Variants in RGS12 observed in about 807,000 individuals in gnomAD.
The protein encoded by RGS12 is regulator of G-protein signaling 12.
A neutral mutation model predicts 120.1 loss-of-function variants in RGS12; 66 were observed. The ratio of observed to expected loss-of-function variants is 0.55; its 90% confidence interval spans 0.45 to 0.67. The LOEUF (loss-of-function observed/expected upper bound fraction) is 0.67. Among genes scored for constraint, RGS12 ranks in the 30% least tolerant of loss-of-function variants. The pLI is 0.00. For synonymous variants in RGS12, 827 were observed against 804.7 expected, an observed-to-expected ratio of 1.03 and a Z score of -0.47; for missense variants, 1,859 against 1,957.7, an observed-to-expected ratio of 0.95 and a Z score of 0.95.
At chr4:3,425,590 G>A in intron 14 of RGS12, 30 bp downstream of exon 14, 1 of 1,569,272 alleles carries the variant, frequency 6.4e-7, no homozygotes, top group African/African-American at 1.4e-5. Flanking sequence ...CGGATGGGGA[G>A]AGGGTGAGTG....
chr4:3,332,508 C>T (rs1711973886), intron 2 of RGS12, among the ~76,000 whole-genome samples: 1 of 152,206 alleles, frequency 6.6e-6, no homozygotes, highest in African/African-American at 2.4e-5. Context: ...TACCTGTCTC[C>T]AGGTAGGCTT....
At chr4:3,386,919 T>C (rs191206111) in intron 4 of RGS12, among the ~76,000 whole-genome samples, 65 of 152,336 alleles carry the variant, frequency 4.3e-4, no homozygotes, top group African/African-American at 1.5e-3. Context: ...TTACTTTCTG[T>C]GTTTAAAGAA....
chr4:3,310,475 C>T lies in RGS12; in HGVS notation c.-101-5595C>T, dbSNP rs578205994. Among the ~76,000 whole-genome samples, 21 of 152,332 alleles carry T rather than the reference C, an allele frequency of 1.4e-4. No individual in the cohort carries two copies. The South Asian group carries it at 3.5e-3, about 26-fold the overall frequency. The stretch of plus-strand genomic sequence containing the variant: ...GTGGCCTTGGTGATTCCAGAATCTG[C>T]CAGCTCACTCCCTTTGGCACCGTGT... On this transcript the variant is annotated intron_variant, in intron 1 of 17. Transcript: ENST00000336727.
chr4:3,405,404 A>G (rs773137947), intron 4 of RGS12, among the ~76,000 whole-genome samples: 2 of 152,198 alleles, frequency 1.3e-5, no homozygotes, highest in Non-Finnish European at 2.9e-5. Context: ...ACAAAGAAAC[A>G]TCAGCCAAGC....
intron 1 of RGS12, among the ~76,000 whole-genome samples, chr4:3,298,356 A>G (rs6829279): frequency 0.3 from 45,244 of 150,038 alleles, 7,281 homozygotes; most frequent in African/African-American, 0.44. Context: ...TGTTTGTTCA[A>G]TTTTTTTTTT....
chr4:3,422,521 A>T lies in RGS12; in HGVS notation c.2984A>T (p.His995Leu), dbSNP rs1723126006. 2 of 1,612,748 alleles carry T rather than the reference A, an allele frequency of 1.2e-6. No individual in the cohort carries two copies. The highest frequency in any genetic ancestry group is 2.2e-5 in the South Asian group (2 of 91,088). ...KDILSGLCER[H>L]GINGAAADLF... ...ATCCTGTCCGGACTCTGTGAGCGGC[A>T]TGGCATCAACGGGGCGGCCGCGGAC... The change falls in exon 11 of 18, where the codon CAT becomes CTT. Residue 995 changes from histidine to leucine, a missense_variant. Coordinates refer to ENST00000336727, the MANE Select transcript of RGS12 (RefSeq NM_001394154.1).
chr4:3,355,794 CAAAAAA>C (rs372490658), intron 3 of RGS12, among the ~76,000 whole-genome samples: 1 of 58,086 alleles, frequency 1.7e-5, no homozygotes. Flanking sequence ...GACCTTGTCT[CAAAAAA>C]AAAAAAAAAA....
chr4:3,428,127 G>A lies in RGS12; in HGVS notation c.3369G>A (p.Gln1123=). The change falls in exon 15 of 18, where the codon CAG becomes CAA. Residue 1123 remains glutamine (Q), a synonymous_variant. Transcript: ENST00000336727. ...ADKQKGVPVK[Q]NTAVNSSSRN... ...AACAGAAAGGTGTGCCAGTGAAACA[G>A]AACACAGCTGTAAATTCCAGCTCCA... 1.9e-6 allele frequency: 3 copies of A among 1,613,738 alleles called. No individual in the cohort carries two copies. Among genetic ancestry groups the A allele is most frequent in the Non-Finnish European group, 2.5e-6 (3 of 1,179,848 alleles).
At chr4:3,302,279 C>T (rs1042340977) in intron 1 of RGS12, among the ~76,000 whole-genome samples, 2 of 149,156 alleles carry the variant, frequency 1.3e-5, no homozygotes, top group African/African-American at 4.9e-5. Context: ...ATCACCAGGC[C>T]GGTGCCCAGA....
rs978599117 is a variant in RGS12, at chr4:3,300,536, C to T, written c.-102+7437C>T. ...GCCTGCTGGCACAAATTATCACCAG[C>T]GAGGGGCTAGCCCAGTAGCAGCCCC... On this transcript the variant is annotated intron_variant, in intron 1 of 17. Coordinates refer to ENST00000336727, the MANE Select transcript of RGS12 (RefSeq NM_001394154.1). Among the ~76,000 whole-genome samples the T allele has an allele frequency of 7.9e-5, 12 of 152,182 alleles. No homozygotes were observed. The South Asian group carries it at 1.2e-3, about 16-fold the overall frequency.
intron 4 of RGS12, among the ~76,000 whole-genome samples, chr4:3,411,556 C>A (rs1159766166): frequency 6.6e-6 from 1 of 152,246 alleles, no homozygotes; most frequent in African/African-American, 2.4e-5. Context: ...TAACAAGACA[C>A]CCATAGGCAA....
intron 1 of RGS12, among the ~76,000 whole-genome samples, chr4:3,296,787 C>T (rs539410342): frequency 1.5e-4 from 23 of 152,284 alleles, no homozygotes; most frequent in African/African-American, 4.8e-4. Flanking sequence ...TGGGGAGAGG[C>T]GGGAGCCATC....
chr4:3,286,409 T>G, the RGS12 span, among the ~76,000 whole-genome samples: 1 of 152,256 alleles, frequency 6.6e-6, no homozygotes. Context: ...GGGGATTTTC[T>G]GTGTGCTCCT....
At chr4:3,367,244 G>C (rs960199554) in intron 3 of RGS12, among the ~76,000 whole-genome samples, 2 of 152,262 alleles carry the variant, frequency 1.3e-5, no homozygotes, top group African/African-American at 4.8e-5. Context: ...CACCACACGG[G>C]GGCTTCGCCT....
chr4:3,428,221 C>T, intron 15 of RGS12, 52 bp downstream of exon 15: 1 of 1,501,728 alleles, frequency 6.7e-7, no homozygotes, highest in Non-Finnish European at 9.3e-7. Context: ...GCTGTGGCCC[C>T]CGCCTGCCCT....
intron 9 of RGS12, chr4:3,417,751 C>A: frequency 1.8e-6 from 1 of 567,312 alleles, no homozygotes; most frequent in Non-Finnish European, 3.1e-6. Flanking sequence ...CAGGGCTGCT[C>A]CAGAATCTTC....
intron 3 of RGS12, among the ~76,000 whole-genome samples, chr4:3,352,655 TAACA>T (rs1560106844): frequency 6.6e-6 from 1 of 152,202 alleles, no homozygotes; most frequent in African/African-American, 2.4e-5. Context: ...CAAGGATCAA[TAACA>T]AGGGTGGCAT....
intron 3 of RGS12, among the ~76,000 whole-genome samples, chr4:3,362,837 G>A (rs1197291860): frequency 6.7e-6 from 1 of 148,928 alleles, no homozygotes; most frequent in Non-Finnish European, 1.5e-5. Context: ...GTTTGAGTGT[G>A]AGACTGAGTG....
At chr4:3,338,321 A>G (rs757303012) in intron 2 of RGS12, among the ~76,000 whole-genome samples, 1 of 152,200 alleles carries the variant, frequency 6.6e-6, no homozygotes, top group Non-Finnish European at 1.5e-5. Flanking sequence ...CGGCCTCCCA[A>G]AGAGTTGGGA....
Sources: allele counts gnomAD v4.1 joint callset (sites outside exome capture counted in the v4.1 genomes callset), GRCh38; gene constraint gnomAD v4.1.1; transcripts MANE v1.5; gene names NCBI Gene and HGNC (gene_info 2026-07-23, HGNC 2026-07-21).